The following FOXP2 variants were observed in gnomAD, a reference collection of about 807,000 sequenced individuals.
FOXP2 encodes forkhead box P2.
In FOXP2, 12 loss-of-function variants were observed where a neutral mutation model predicts 115.8. The ratio of observed to expected loss-of-function variants is 0.10; its 90% confidence interval spans 0.07 to 0.17. FOXP2 has a LOEUF of 0.17. Ranked by LOEUF, FOXP2 falls within the 10% of genes least tolerant of loss-of-function variation. The pLI is 1.00. For synonymous variants in FOXP2, 328 were observed against 297.7 expected, an observed-to-expected ratio of 1.10 and a Z score of -1.05; for missense variants, 629 against 843.5, an observed-to-expected ratio of 0.75 and a Z score of 3.15.
intron 16 of FOXP2, among the ~76,000 whole-genome samples, chr7:114,686,429 T>A (rs1808368969): frequency 6.6e-6 from 1 of 152,216 alleles, no homozygotes; most frequent in Non-Finnish European, 1.5e-5. Flanking sequence ...CACCTTGGCC[T>A]CCCAAAGTGC....
At chr7:114,269,967 T>G (rs2129172659) in intron 1 of FOXP2, among the ~76,000 whole-genome samples, 1 of 152,314 alleles carries the variant, frequency 6.6e-6, no homozygotes, top group Non-Finnish European at 1.5e-5. Flanking sequence ...ATTGTTCCAG[T>G]GATTTAACCA....
intron 2 of FOXP2, among the ~76,000 whole-genome samples, chr7:114,311,770 TA>T (rs1049888154): frequency 2.6e-5 from 4 of 152,140 alleles, no homozygotes; most frequent in East Asian, 1.9e-4. Flanking sequence ...AGCCTTTTCT[TA>T]AAAAAAATTC....
intron 1 of FOXP2, among the ~76,000 whole-genome samples, chr7:114,426,287 C>T (rs933674109): frequency 1.3e-5 from 2 of 151,476 alleles, no homozygotes; most frequent in South Asian, 2.1e-4. Flanking sequence ...TAAATGTAAC[C>T]GCACAAAAAT....
At chr7:114,389,201 G>C (rs368828672) in intron 2 of FOXP2, among the ~76,000 whole-genome samples, 2 of 152,156 alleles carry the variant, frequency 1.3e-5, no homozygotes, top group East Asian at 1.9e-4. Context: ...TAAAGATACT[G>C]TTCCAAAATG....
intron 1 of FOXP2, among the ~76,000 whole-genome samples, chr7:114,246,282 A>G (rs1795281509): frequency 6.6e-6 from 1 of 152,130 alleles, no homozygotes; most frequent in Non-Finnish European, 1.5e-5. Flanking sequence ...TTATCTAGCT[A>G]AATCTGGGCT....
intron 1 of FOXP2, among the ~76,000 whole-genome samples, chr7:114,244,252 C>G (rs1795222872): frequency 6.6e-6 from 1 of 152,054 alleles, no homozygotes; most frequent in Admixed American, 6.6e-5. Flanking sequence ...GTATATTTGT[C>G]ACAATAAATG....
At chr7:114,251,387 C>A (rs1795437554) in intron 1 of FOXP2, among the ~76,000 whole-genome samples, 1 of 152,152 alleles carries the variant, frequency 6.6e-6, no homozygotes, top group African/African-American at 2.4e-5. Context: ...TTACCTTGGG[C>A]AGTATGGCCA....
intron 2 of FOXP2, among the ~76,000 whole-genome samples, chr7:114,468,728 A>C (rs1223119076): frequency 6.6e-6 from 1 of 152,116 alleles, no homozygotes; most frequent in Non-Finnish European, 1.5e-5. Context: ...AAATACGATG[A>C]ATGCATGATA....
intron 3 of FOXP2, among the ~76,000 whole-genome samples, chr7:114,537,846 G>A (rs1217018626): frequency 6.6e-6 from 1 of 151,558 alleles, no homozygotes. Flanking sequence ...TTGATTAATG[G>A]CATATTGATG....
At chr7:114,413,411 T>A (rs1164405649), upstream of FOXP2, among the ~76,000 whole-genome samples, 3 of 151,504 alleles carry the variant, frequency 2.0e-5, no homozygotes, top group Non-Finnish European at 4.4e-5. Context: ...GATAAAAAAA[T>A]GTTAAAAATA....
intron 2 of FOXP2, among the ~76,000 whole-genome samples, chr7:114,506,183 G>C (rs1163333767): frequency 6.6e-6 from 1 of 151,636 alleles, no homozygotes; most frequent in Non-Finnish European, 1.5e-5. Context: ...ATACTAAGGA[G>C]ACATGAACAA....
At chr7:114,611,135 C>T (rs1053226105) in intron 3 of FOXP2, among the ~76,000 whole-genome samples, 1 of 152,080 alleles carries the variant, frequency 6.6e-6, no homozygotes, top group African/African-American at 2.4e-5. Flanking sequence ...TATAATGTTT[C>T]TTTATGAATG....
intron 6 of FOXP2, among the ~76,000 whole-genome samples, chr7:114,632,752 T>C (rs1804991066): frequency 6.6e-6 from 1 of 152,020 alleles, no homozygotes; most frequent in Admixed American, 6.6e-5. Context: ...TTCACCTGAT[T>C]GAAGCACTCC....
intron 3 of FOXP2, among the ~76,000 whole-genome samples, chr7:114,593,196 T>C (rs1332256870): frequency 6.6e-6 from 1 of 151,918 alleles, no homozygotes; most frequent in Middle Eastern, 3.2e-3. Flanking sequence ...TGTCTCTTTT[T>C]AAAACTTCAG....
intron 1 of FOXP2, among the ~76,000 whole-genome samples, chr7:114,236,105 T>C (rs1795002466): frequency 6.6e-6 from 1 of 152,198 alleles, no homozygotes; most frequent in South Asian, 2.1e-4. Flanking sequence ...ATTTGTTGAA[T>C]GAGTGAATGG....
intron 2 of FOXP2, among the ~76,000 whole-genome samples, chr7:114,381,365 G>T (rs965771980): frequency 6.6e-6 from 1 of 152,164 alleles, no homozygotes; most frequent in Non-Finnish European, 1.5e-5. Context: ...CAAGATTTCT[G>T]AATAGGTGGC....
chr7:114,149,578 T>G (rs1792475161), intron 1 of FOXP2, among the ~76,000 whole-genome samples: 1 of 151,926 alleles, frequency 6.6e-6, no homozygotes, highest in African/African-American at 2.4e-5. Context: ...AAGAGTTACT[T>G]TATTATTAAT....
intron 1 of FOXP2, among the ~76,000 whole-genome samples, chr7:114,226,336 C>G (rs964180719): frequency 1.3e-5 from 2 of 152,138 alleles, no homozygotes; most frequent in African/African-American, 4.8e-5. Context: ...ATTCTGGATG[C>G]TTTTGTGCAG....
At chr7:114,340,589 G>A (rs933609473) in intron 2 of FOXP2, among the ~76,000 whole-genome samples, 3 of 151,020 alleles carry the variant, frequency 2.0e-5, no homozygotes, top group Non-Finnish European at 4.5e-5. Context: ...TTTGCAAAGT[G>A]CCTCACCTAA....
Sources: allele counts gnomAD v4.1 joint callset (sites outside exome capture counted in the v4.1 genomes callset), GRCh38; gene constraint gnomAD v4.1.1; transcripts MANE v1.5; gene names NCBI Gene and HGNC (gene_info 2026-07-23, HGNC 2026-07-21).